RFX3: variants seen among roughly 807,000 people sequenced by gnomAD.
The protein encoded by RFX3 is transcription factor RFX3.
In RFX3, 14 loss-of-function variants were observed where a neutral mutation model predicts 98.6. The observed-to-expected ratio is 0.14, with a 90% CI of 0.09 to 0.22. The LOEUF (loss-of-function observed/expected upper bound fraction) is 0.22, where lower values mean the gene tolerates loss of function less well. Ranked by LOEUF, RFX3 falls within the 10% of genes least tolerant of loss-of-function variation. RFX3 has a pLI of 1.00. For missense variants in RFX3, 639 were observed against 926.9 expected, an observed-to-expected ratio of 0.69 and a Z score of 4.03; for synonymous variants, 383 against 328.4, an observed-to-expected ratio of 1.17 and a Z score of -1.80.
chr9:3,336,371 G>A (rs1833177516), intron 3 of RFX3, among the ~76,000 whole-genome samples: 1 of 151,214 alleles, frequency 6.6e-6, no homozygotes, highest in Admixed American at 6.6e-5. Flanking sequence ...AAGAAAATAA[G>A]ATAATTAGAA....
intron 2 of RFX3, among the ~76,000 whole-genome samples, chr9:3,351,562 T>C (rs1038273076): frequency 6.6e-6 from 1 of 151,740 alleles, no homozygotes; most frequent in African/African-American, 2.4e-5. Context: ...GAATAAATAG[T>C]TTGCAACGTA....
intron 2 of RFX3, among the ~76,000 whole-genome samples, chr9:3,372,685 G>A (rs1464160317): frequency 1.3e-5 from 2 of 151,686 alleles, no homozygotes; most frequent in African/African-American, 2.4e-5. Flanking sequence ...TCCAGGGTTC[G>A]AGTGATTCTC....
At chr9:3,426,893 A>T (rs10971975) in intron 1 of RFX3, among the ~76,000 whole-genome samples, 2 of 152,016 alleles carry the variant, frequency 1.3e-5, no homozygotes, top group Non-Finnish European at 2.9e-5. Context: ...ATGTATTTGA[A>T]TCATTCCTCC....
intron 1 of RFX3, among the ~76,000 whole-genome samples, chr9:3,447,562 G>A (rs554539662): frequency 1.3e-5 from 2 of 152,198 alleles, no homozygotes; most frequent in South Asian, 2.1e-4. Context: ...TTTCAACTTT[G>A]TTCTTGCTCA....
intron 6 of RFX3, among the ~76,000 whole-genome samples, chr9:3,289,769 A>G (rs1827101658): frequency 6.6e-6 from 1 of 152,028 alleles, no homozygotes; most frequent in Non-Finnish European, 1.5e-5. Context: ...TGGAGATGGG[A>G]TCTAATAAAA....
At chr9:3,319,647 T>C (rs1250529005) in intron 4 of RFX3, among the ~76,000 whole-genome samples, 1 of 152,132 alleles carries the variant, frequency 6.6e-6, no homozygotes, top group African/African-American at 2.4e-5. Context: ...ATTTAAAAAA[T>C]AATGTGGCAA....
At chr9:3,414,923 CAT>C (rs201313343) in intron 1 of RFX3, among the ~76,000 whole-genome samples, 4,872 of 130,598 alleles carry the variant, frequency 0.037, 367 homozygotes, top group African/African-American at 0.13. Context: ...CATATATACT[CAT>C]ATGTGTGTAT....
At chr9:3,464,228 C>T (rs13300358) in intron 1 of RFX3, among the ~76,000 whole-genome samples, 24,648 of 152,060 alleles carry the variant, frequency 0.16, 3,541 homozygotes, top group African/African-American at 0.39. Flanking sequence ...GCAGTTACTT[C>T]GAAAAGTTAA....
At chr9:3,247,205 T>C (rs1820793786) in intron 15 of RFX3, 2 of 985,828 alleles carry the variant, frequency 2.0e-6, no homozygotes, top group African/African-American at 3.5e-5. Flanking sequence ...AAGCCAGTGC[T>C]GAACCATCTG....
At chr9:3,270,851 AG>A (rs1824336945) in intron 10 of RFX3, 151 bp downstream of exon 10, 2 of 1,024,650 alleles carry the variant, frequency 2.0e-6, no homozygotes, top group Non-Finnish European at 2.9e-6. Context: ...TCAAGAGAGC[AG>A]TTCATGGTTT....
chr9:3,219,373 G>A lies in RFX3; in HGVS notation c.*5669C>T, dbSNP rs75824746. 2 of 150,368 alleles carry A rather than the reference G, an allele frequency of 1.3e-5. No individual in the cohort carries two copies. Among genetic ancestry groups the A allele is most frequent in the African/African-American group, 4.9e-5 (2 of 40,862 alleles). The allele number at this position is 150,368 out of a possible 1,614,324, so 9.3% of individuals were successfully genotyped here. On this transcript the variant is annotated 3_prime_UTR_variant, in exon 17 of 17. Transcript: ENST00000617270. The stretch of plus-strand genomic sequence containing the variant: ...CTTCTAAAGAATATTTGTTGTCCTC[G>A]TTATTGAGCTACATAAACAATTCTT...
chr9:3,261,511 T>A (rs1822887222), intron 13 of RFX3, among the ~76,000 whole-genome samples: 1 of 152,174 alleles, frequency 6.6e-6, no homozygotes, highest in Admixed American at 6.5e-5. Context: ...TATTCCATTG[T>A]ATGGATAGAT....
intron 5 of RFX3, among the ~76,000 whole-genome samples, chr9:3,297,842 A>G (rs577279002): frequency 6.3e-4 from 96 of 152,074 alleles, no homozygotes; most frequent in African/African-American, 2.2e-3. Context: ...AGAAATGTAC[A>G]ACCTTAAATT....
At chr9:3,346,401 T>C (rs1333385318) in intron 3 of RFX3, among the ~76,000 whole-genome samples, 2 of 152,158 alleles carry the variant, frequency 1.3e-5, no homozygotes, top group East Asian at 3.9e-4. Flanking sequence ...GTATATACAT[T>C]TTTTCTCTAC....
intron 1 of RFX3, among the ~76,000 whole-genome samples, chr9:3,479,562 T>C (rs1849566641): frequency 1.3e-5 from 2 of 151,964 alleles, no homozygotes; most frequent in South Asian, 4.1e-4. Context: ...ATCACATCTT[T>C]CCTGTTAACT....
chr9:3,468,014 G>A (rs975848372), intron 1 of RFX3, among the ~76,000 whole-genome samples: 1 of 152,074 alleles, frequency 6.6e-6, no homozygotes, highest in African/African-American at 2.4e-5. Context: ...AAAGATGATC[G>A]CATTTAACCA....
chr9:3,236,987 A>C (rs979239759), intron 15 of RFX3, among the ~76,000 whole-genome samples: 1 of 152,224 alleles, frequency 6.6e-6, no homozygotes, highest in Non-Finnish European at 1.5e-5. Flanking sequence ...TTTCTGAAAT[A>C]GTTTCTATCT....
intron 2 of RFX3, among the ~76,000 whole-genome samples, chr9:3,381,224 C>G (rs1839156957): frequency 6.6e-6 from 1 of 150,734 alleles, no homozygotes; most frequent in Non-Finnish European, 1.5e-5. Flanking sequence ...AAACAAAGAC[C>G]AAAAAAAATT....
intron 15 of RFX3, among the ~76,000 whole-genome samples, chr9:3,236,686 C>T (rs1819197750): frequency 2.0e-5 from 3 of 152,200 alleles, no homozygotes; most frequent in Non-Finnish European, 4.4e-5. Flanking sequence ...ACACACAAAG[C>T]AGACACCACA....
Sources: gnomAD v4.1 joint callset for allele counts (sites outside exome capture counted in the v4.1 genomes callset) on GRCh38, gnomAD v4.1.1 for gene constraint, MANE v1.5 for transcripts, NCBI Gene and HGNC (gene_info 2026-07-23, HGNC 2026-07-21) for gene names.